RGS12: variants seen among roughly 807,000 people sequenced by gnomAD.
RGS12 encodes the protein regulator of G protein signaling 12.
In RGS12, 66 loss-of-function variants were observed where a neutral mutation model predicts 120.1. The observed-to-expected ratio is 0.55, with a 90% CI of 0.45 to 0.67. The LOEUF is 0.67. Among genes scored for constraint, RGS12 ranks in the 30% least tolerant of loss-of-function variants. The probability of loss-of-function intolerance (pLI) is 0.00; values close to 1 mark genes in which losing one functional copy is unlikely to be tolerated. For synonymous variants in RGS12, 827 were observed against 804.7 expected, an observed-to-expected ratio of 1.03 and a Z score of -0.47; for missense variants, 1,859 against 1,957.7, an observed-to-expected ratio of 0.95 and a Z score of 0.95.
intron 4 of RGS12, among the ~76,000 whole-genome samples, chr4:3,399,312 A>T (rs1457343542): frequency 6.6e-6 from 1 of 152,202 alleles, no homozygotes; most frequent in African/African-American, 2.4e-5. Flanking sequence ...TACAACTAAA[A>T]GTATGAACAA....
chr4:3,362,861 G>C lies in RGS12; in HGVS notation c.1998+19808G>C, dbSNP rs974375180. Among the ~76,000 whole-genome samples, 14 of 124,900 alleles carry C rather than the reference G, an allele frequency of 1.1e-4. No individual in the cohort carries two copies. The Admixed American group carries it at 1.1e-3, about 10-fold the overall frequency. The allele number at this position is 124,900 out of a possible 152,430, so 81.9% of individuals were successfully genotyped here. A position where few individuals can be genotyped will look rare whatever the true frequency, so the allele number is the denominator to read the frequency against. ...TGAGACTGAGTGTGAGGGTGTGTGT[G>C]TGCGAGGGTGTGTGTGTGTGAGAGC... On this transcript the variant is annotated intron_variant, in intron 3 of 17. Coordinates refer to ENST00000336727, the MANE Select transcript of RGS12 (RefSeq NM_001394154.1).
intron 2 of RGS12, among the ~76,000 whole-genome samples, chr4:3,340,781 C>CCGGTGCAGGT (rs1456715757): frequency 6.6e-6 from 1 of 152,052 alleles, no homozygotes. Flanking sequence ...CCGGTGCAGG[C>CCGGTGCAGGT]CAGTGCAGTC....
At chr4:3,406,818 C>T (rs1273976558) in intron 4 of RGS12, among the ~76,000 whole-genome samples, 4 of 152,144 alleles carry the variant, frequency 2.6e-5, no homozygotes, top group Admixed American at 1.3e-4. Context: ...GTGGGCAGGC[C>T]GCCTCCAGGA....
At position 3,370,168 on chromosome 4, in the gene RGS12, C is replaced by G. The variant is rs577334803; in HGVS notation, c.1999-16248C>G. 62 of 1,568,218 alleles carry G rather than the reference C, an allele frequency of 4.0e-5. No individual in the cohort carries two copies. In the African/African-American group the frequency reaches 7.0e-4, roughly 18 times the overall value. ...GGGTTACGAAGGGAGCGAGAGGGAA[C>G]TTCATCGGAAATGCCTTTAAACTTT... On this transcript the variant is annotated intron_variant, in intron 3 of 17. Coordinates refer to ENST00000336727, the MANE Select transcript of RGS12 (RefSeq NM_001394154.1).
intron 3 of RGS12, among the ~76,000 whole-genome samples, chr4:3,368,490 G>A (rs1403346812): frequency 7.3e-6 from 1 of 136,512 alleles, no homozygotes; most frequent in African/African-American, 2.8e-5. Flanking sequence ...TGTGTGAGGT[G>A]CCTGTGTGTG....
intron 1 of RGS12, among the ~76,000 whole-genome samples, chr4:3,299,170 G>A (rs147434430): frequency 1.3e-5 from 2 of 152,034 alleles, no homozygotes; most frequent in African/African-American, 2.4e-5. Flanking sequence ...TTGACCTTCC[G>A]GCTGCCTCCT....
At chr4:3,401,460 C>T (rs56191248) in intron 4 of RGS12, among the ~76,000 whole-genome samples, 11 of 152,332 alleles carry the variant, frequency 7.2e-5, no homozygotes, top group Non-Finnish European at 1.3e-4. Flanking sequence ...CACAGTGTTC[C>T]TTTCATGTCA....
At chr4:3,373,378 G>A (rs1000072340) in intron 3 of RGS12, among the ~76,000 whole-genome samples, 13 of 152,210 alleles carry the variant, frequency 8.5e-5, no homozygotes, top group African/African-American at 2.2e-4. Flanking sequence ...GATGGCCGCC[G>A]CAGGACACAA....
chr4:3,354,249 A>G (rs938827912), intron 3 of RGS12, among the ~76,000 whole-genome samples: 1 of 152,116 alleles, frequency 6.6e-6, no homozygotes, highest in African/African-American at 2.4e-5. Flanking sequence ...AATTCCACTT[A>G]TTGGAGGCTC....
rs538062053 is a variant in RGS12 at position 3,437,768 on chromosome 4, T to G, written c.4115-1687T>G. ...ACACAGGCCCCACACAGCTCCCACA[T>G]GCTGGCTGGGCTGCTGCGTCGAGGC... On this transcript the variant is annotated intron_variant, in intron 17 of 17. Transcript: ENST00000336727. Among the ~76,000 whole-genome samples, 7 of 152,288 alleles carry G rather than the reference T, an allele frequency of 4.6e-5. No individual in the cohort carries two copies. In the East Asian group the frequency reaches 9.7e-4, roughly 21 times the overall value.
intron 2 of RGS12, among the ~76,000 whole-genome samples, chr4:3,337,632 T>C (rs1183953324): frequency 1.3e-5 from 2 of 151,928 alleles, no homozygotes; most frequent in African/African-American, 2.4e-5. Context: ...ATTCCACTTA[T>C]GTGGGATTCC....
chr4:3,418,748 G>C (rs769671222), intron 9 of RGS12: 2 of 152,200 alleles, frequency 1.3e-5, no homozygotes, highest in Non-Finnish European at 2.9e-5. Flanking sequence ...ACCTTTGTCG[G>C]AGGCCACCTG....
intron 2 of RGS12, among the ~76,000 whole-genome samples, chr4:3,335,971 A>C (rs1398013348): frequency 6.6e-6 from 1 of 152,302 alleles, no homozygotes; most frequent in African/African-American, 2.4e-5. Context: ...GCGTGCCTGT[A>C]GTCCCCGCTA....
chr4:3,306,335 C>G (rs1031408115), intron 1 of RGS12, among the ~76,000 whole-genome samples: 1 of 152,070 alleles, frequency 6.6e-6, no homozygotes, highest in Non-Finnish European at 1.5e-5. Flanking sequence ...GCAGGAGGTG[C>G]GATGACGATG....
chr4:3,398,985 T>G (rs1370479721), intron 4 of RGS12, among the ~76,000 whole-genome samples: 1 of 152,152 alleles, frequency 6.6e-6, no homozygotes, highest in Non-Finnish European at 1.5e-5. Context: ...CATAAAATGA[T>G]AACAAAAAAG....
chr4:3,423,739 CG>C, intron 13 of RGS12, 98 bp downstream of exon 13: 1 of 1,427,634 alleles, frequency 7.0e-7, no homozygotes. Flanking sequence ...CACCAAGAAG[CG>C]GTGTCTTCCC....
intron 3 of RGS12, among the ~76,000 whole-genome samples, chr4:3,345,590 G>C (rs1033544041): frequency 2.0e-5 from 3 of 152,192 alleles, no homozygotes; most frequent in African/African-American, 4.8e-5. Context: ...AACCAGGGAG[G>C]TGTGGAGGGA....
intron 2 of RGS12, among the ~76,000 whole-genome samples, chr4:3,337,079 G>C (rs1396237946): frequency 6.6e-6 from 1 of 152,230 alleles, no homozygotes; most frequent in Non-Finnish European, 1.5e-5. Context: ...TACACAAGTA[G>C]TCAATGGGCA....
chr4:3,309,944 T>C (rs34746766), intron 1 of RGS12, among the ~76,000 whole-genome samples: 1,353 of 128,320 alleles, frequency 0.011, 28 homozygotes, highest in South Asian at 0.015. Context: ...AGGTGTCCGC[T>C]GAGGGGAACC....
Sources: allele counts gnomAD v4.1 joint callset (sites outside exome capture counted in the v4.1 genomes callset), GRCh38; gene constraint gnomAD v4.1.1; transcripts MANE v1.5; gene names NCBI Gene and HGNC (gene_info 2026-07-23, HGNC 2026-07-21).